SLC26A7: variants seen among roughly 807,000 people sequenced by gnomAD.
SLC26A7 encodes solute carrier family 26 member 7.
In SLC26A7, 59 loss-of-function variants were observed where a neutral mutation model predicts 82.5. The observed-to-expected ratio is 0.72, with a 90% CI of 0.58 to 0.89. SLC26A7 has a LOEUF of 0.89. Among genes scored for constraint, SLC26A7 ranks in the 40% least tolerant of loss-of-function variants. The pLI is 0.00. For missense variants in SLC26A7, 820 were observed against 793.0 expected, an observed-to-expected ratio of 1.03 and a Z score of -0.41; for synonymous variants, 271 against 274.3, an observed-to-expected ratio of 0.99 and a Z score of 0.12.
At chr8:91,351,565 G>A (rs899537681) in intron 9 of SLC26A7, among the ~76,000 whole-genome samples, 1 of 152,152 alleles carries the variant, frequency 6.6e-6, no homozygotes, top group Non-Finnish European at 1.5e-5. Context: ...GTTTCTTTGT[G>A]TGAAATTGCT....
chr8:91,223,390 T>C (rs745394598), intron 2 of SLC26A7, among the ~76,000 whole-genome samples: 2 of 152,230 alleles, frequency 1.3e-5, no homozygotes, highest in East Asian at 1.9e-4. Flanking sequence ...ATTAGTTTGC[T>C]CTTGCTTCTC....
At chr8:91,319,257 A>C (rs776999187) in intron 5 of SLC26A7, among the ~76,000 whole-genome samples, 8 of 152,178 alleles carry the variant, frequency 5.3e-5, no homozygotes, top group Non-Finnish European at 1.0e-4. Flanking sequence ...TGATTGTTTC[A>C]GTAGGATAAG....
chr8:91,250,228 A>C (rs1253823019), intron 2 of SLC26A7, among the ~76,000 whole-genome samples: 1 of 152,092 alleles, frequency 6.6e-6, no homozygotes, highest in Non-Finnish European at 1.5e-5. Flanking sequence ...TTGGAACCTA[A>C]TTAGCAGCAC....
intron 1 of SLC26A7, among the ~76,000 whole-genome samples, chr8:91,214,132 T>A (rs1809992591): frequency 6.6e-6 from 1 of 152,078 alleles, no homozygotes; most frequent in South Asian, 2.1e-4. Flanking sequence ...GGTTTCCTAC[T>A]GTGGGTGTAA....
chr8:91,295,201 G>A (rs1811982668), intron 3 of SLC26A7, among the ~76,000 whole-genome samples: 1 of 152,156 alleles, frequency 6.6e-6, no homozygotes, highest in Admixed American at 6.5e-5. Flanking sequence ...AAATTGAGTG[G>A]TTGAATTTAA....
chr8:91,334,474 T>G (rs779417800), intron 6 of SLC26A7, 27 bp downstream of exon 6: 2 of 1,594,204 alleles, frequency 1.3e-6, no homozygotes, highest in Non-Finnish European at 1.7e-6. Context: ...CATTTAGCTT[T>G]TTGCCATGCA....
At position 91,218,630 on chromosome 8, in the gene SLC26A7, G is replaced by T. The variant is rs76612103; in HGVS notation, c.-149-260G>T. ...TCACCTTCATTTCAAACACTTTATG[G>T]TTAGACTACATAATGATATGTTTGA... On this transcript the variant is annotated intron_variant, in intron 1 of 5. Transcript: ENST00000522862. Among the ~76,000 whole-genome samples, 1,291 of 152,170 alleles carry T rather than the reference G, an allele frequency of 8.5e-3. 23 individuals carry two copies. The highest frequency in any genetic ancestry group is 0.03 in the African/African-American group (1,254 of 41,524).
At chr8:91,267,392 C>T (rs888514384) in intron 2 of SLC26A7, among the ~76,000 whole-genome samples, 2 of 151,852 alleles carry the variant, frequency 1.3e-5, no homozygotes, top group African/African-American at 4.8e-5. Flanking sequence ...AGATTCTTGG[C>T]TTTTCTTTGA....
chr8:91,338,102 A>G, intron 6 of SLC26A7, 48 bp from the exon 7 acceptor site: 1 of 1,361,066 alleles, frequency 7.3e-7, no homozygotes, highest in Middle Eastern at 2.0e-4. Context: ...GGTGTTTGAG[A>G]GGTCAGTAAT....
At chr8:91,220,943 G>A (rs1044155563) in intron 2 of SLC26A7, among the ~76,000 whole-genome samples, 12 of 152,180 alleles carry the variant, frequency 7.9e-5, no homozygotes, top group Admixed American at 7.2e-4. Context: ...CTTCCAGAAT[G>A]GTTGAACTAA....
In SLC26A7 at chr8:91,391,370, C is replaced by G. The variant is rs911711800; in HGVS notation, c.1776+1932C>G. ...TTTGTTTCAGAATTGGCAGATATTT[C>G]GAAAATAAAGAAATAGCTTAAAACA... On this transcript the variant is annotated intron_variant, in intron 16 of 18. Transcript: ENST00000276609. 1.4e-4 allele frequency among the ~76,000 whole-genome samples: 22 copies of G among 152,036 alleles called. 1 individual carries two copies. The highest frequency in any genetic ancestry group is 1.4e-3 in the Admixed American group (22 of 15,254).
intron 2 of SLC26A7, among the ~76,000 whole-genome samples, chr8:91,239,708 A>G (rs931174569): frequency 3.9e-5 from 6 of 152,136 alleles, no homozygotes; most frequent in African/African-American, 1.4e-4. Flanking sequence ...CAGTATTTCA[A>G]TTCAAGAACT....
intron 3 of SLC26A7, among the ~76,000 whole-genome samples, chr8:91,291,237 A>G (rs1247994628): frequency 6.6e-6 from 1 of 152,178 alleles, no homozygotes; most frequent in East Asian, 1.9e-4. Flanking sequence ...ACTAAAATTC[A>G]GAAAGTTTCT....
chr8:91,263,197 C>T (rs1426163891), intron 2 of SLC26A7, among the ~76,000 whole-genome samples: 1 of 151,982 alleles, frequency 6.6e-6, no homozygotes. Flanking sequence ...TTCAGTTCTG[C>T]AAGTCTCTGA....
chr8:91,284,352 A>G (rs1811655049), intron 2 of SLC26A7, among the ~76,000 whole-genome samples: 2 of 152,304 alleles, frequency 1.3e-5, no homozygotes, highest in East Asian at 3.9e-4. Context: ...TACATGAGCT[A>G]GTCAGCCTAG....
chr8:91,333,140 TCAA>T (rs963178683), intron 5 of SLC26A7, among the ~76,000 whole-genome samples: 3 of 152,288 alleles, frequency 2.0e-5, no homozygotes, highest in Non-Finnish European at 4.4e-5. Flanking sequence ...TACATAACTA[TCAA>T]CAACATTCTA....
intron 2 of SLC26A7, among the ~76,000 whole-genome samples, chr8:91,237,688 C>G (rs1437901852): frequency 6.6e-6 from 1 of 152,118 alleles, no homozygotes; most frequent in East Asian, 1.9e-4. Flanking sequence ...CAAGCTTTAA[C>G]TGCACTCTAT....
intron 2 of SLC26A7, among the ~76,000 whole-genome samples, chr8:91,238,382 G>A (rs1280080576): frequency 1.9e-4 from 29 of 151,810 alleles, no homozygotes; most frequent in Admixed American, 1.9e-3. Flanking sequence ...AATGGAGGTG[G>A]GATATGAAAA....
intron 5 of SLC26A7, among the ~76,000 whole-genome samples, chr8:91,321,193 T>C (rs1812780849): frequency 6.6e-6 from 1 of 152,342 alleles, no homozygotes; most frequent in African/African-American, 2.4e-5. Context: ...TCCATCTCTT[T>C]GGTTGCTCTG....
Sources: gnomAD v4.1 joint callset for allele counts (sites outside exome capture counted in the v4.1 genomes callset) on GRCh38, gnomAD v4.1.1 for gene constraint, MANE v1.5 for transcripts, NCBI Gene and HGNC (gene_info 2026-07-23, HGNC 2026-07-21) for gene names.